CFAP299: variants seen among roughly 807,000 people sequenced by gnomAD.
The protein encoded by CFAP299 is cilia and flagella associated protein 299.
Under a neutral mutation model 27.0 loss-of-function variants are expected in CFAP299, and 21 were observed. That is an observed-to-expected ratio of 0.78 (90% CI 0.55 to 1.12). CFAP299 has a LOEUF of 1.12. Among genes scored for constraint, CFAP299 ranks in the 50% most tolerant of loss-of-function variants. CFAP299 has a pLI of 0.00. For synonymous variants in CFAP299, 104 were observed against 98.1 expected, an observed-to-expected ratio of 1.06 and a Z score of -0.36; for missense variants, 310 against 276.6, an observed-to-expected ratio of 1.12 and a Z score of -0.86.
At chr4:80,651,028 A>G (rs1184642029) in intron 3 of CFAP299, among the ~76,000 whole-genome samples, 1 of 152,128 alleles carries the variant, frequency 6.6e-6, no homozygotes, top group African/African-American at 2.4e-5. Flanking sequence ...AAAATTAAAA[A>G]AATATTTTTT....
chr4:80,326,143 T>G, the CFAP299 span, among the ~76,000 whole-genome samples: 1 of 152,212 alleles, frequency 6.6e-6, no homozygotes, highest in Non-Finnish European at 1.5e-5. Flanking sequence ...TGTCCATATC[T>G]TCCATCTGTA....
chr4:80,385,547 C>A (rs550141339), intron 2 of CFAP299, among the ~76,000 whole-genome samples: 1 of 151,992 alleles, frequency 6.6e-6, no homozygotes, highest in East Asian at 1.9e-4. Flanking sequence ...GTATTGTAAG[C>A]CCCATTGTAC....
intron 3 of CFAP299, among the ~76,000 whole-genome samples, chr4:80,661,137 C>G (rs2109981427): frequency 6.6e-6 from 1 of 151,994 alleles, no homozygotes; most frequent in South Asian, 2.1e-4. Context: ...ACCAGCCTGA[C>G]CAATATGGCA....
chr4:80,387,151 ACTG>A, intron 2 of CFAP299: 1 of 1,381,196 alleles, frequency 7.2e-7, no homozygotes, highest in South Asian at 1.2e-5. Context: ...TGTAGACGGC[ACTG>A]CCCTTCTTGG....
In CFAP299 at chr4:80,708,979, A is replaced by G. The variant is rs529087008; in HGVS notation, c.333+125796A>G. On this transcript the variant is annotated intron_variant, in intron 3 of 5. Transcript: ENST00000358105. ...TAATCTGTAGAATATCATCTTAAAA[A>G]CAGCAAAAGTAACACAAAATAAATA... Among the ~76,000 whole-genome samples, 4 of 152,268 alleles carry G rather than the reference A, an allele frequency of 2.6e-5. No individual in the cohort carries two copies. In the South Asian group the frequency reaches 6.2e-4, roughly 24 times the overall value.
intron 3 of CFAP299, among the ~76,000 whole-genome samples, chr4:80,860,917 G>A (rs1341338115): frequency 6.6e-6 from 1 of 152,140 alleles, no homozygotes; most frequent in Non-Finnish European, 1.5e-5. Context: ...CTGCGTGCTG[G>A]GAGAACCACT....
chr4:80,800,187 T>TC (rs1560418376), intron 3 of CFAP299, among the ~76,000 whole-genome samples: 6,429 of 71,726 alleles, frequency 0.09, 664 homozygotes, highest in African/African-American at 0.19. Flanking sequence ...TAATAATATG[T>TC]AATACTATAT....
chr4:80,689,531 T>A (rs1210306244), intron 3 of CFAP299, among the ~76,000 whole-genome samples: 1 of 151,948 alleles, frequency 6.6e-6, no homozygotes. Context: ...CTACAAGAGC[T>A]CCTGAAGGAA....
Position 80,425,539 on chromosome 4 carries a change from T to A in CFAP299, c.242+62655T>A, listed in dbSNP as rs150066882. On this transcript the variant is annotated intron_variant, in intron 2 of 5. Transcript: ENST00000358105. ...GGACTAATTCAGGCTTCTGTGAGGA[T>A]AATGTTCAGTGTTATTTTCTCATTC... 2.3e-3 allele frequency among the ~76,000 whole-genome samples: 353 copies of A among 152,354 alleles called. 2 individuals carry two copies. Among genetic ancestry groups the A allele is most frequent in the African/African-American group, 7.7e-3 (321 of 41,594 alleles).
chr4:80,420,377 A>G (rs879063680), intron 2 of CFAP299: 5 of 305,264 alleles, frequency 1.6e-5, no homozygotes, highest in South Asian at 1.4e-4. Flanking sequence ...TCATCTCAAA[A>G]TATGTCAAGG....
chr4:80,444,798 C>G lies in CFAP299; in HGVS notation c.242+81914C>G, dbSNP rs575304742. On this transcript the variant is annotated intron_variant, in intron 2 of 5. Transcript: ENST00000358105. ...TACTCATCTGACAAAGGGTTAATAT[C>G]CAGAATCTACAAGGAACTTAAACAA... 1.5e-3 allele frequency among the ~76,000 whole-genome samples: 232 copies of G among 152,182 alleles called. 1 individual carries two copies. The highest frequency in any genetic ancestry group is 5.3e-3 in the African/African-American group (219 of 41,530).
intron 2 of CFAP299, among the ~76,000 whole-genome samples, chr4:80,509,473 A>G (rs1487987986): frequency 6.6e-6 from 1 of 152,186 alleles, no homozygotes; most frequent in Non-Finnish European, 1.5e-5. Context: ...TGAATGTGGC[A>G]TGTAGTCAAG....
At chr4:80,561,293 T>A (rs941545496) in intron 2 of CFAP299, among the ~76,000 whole-genome samples, 1 of 152,136 alleles carries the variant, frequency 6.6e-6, no homozygotes, top group Non-Finnish European at 1.5e-5. Flanking sequence ...ACACCTTAGA[T>A]CACAACACTC....
At chr4:80,682,633 T>G (rs1458909670) in intron 3 of CFAP299, among the ~76,000 whole-genome samples, 2 of 152,108 alleles carry the variant, frequency 1.3e-5, no homozygotes, top group Non-Finnish European at 2.9e-5. Flanking sequence ...AGGGAACAAG[T>G]ACTTAAAAGG....
rs547679899 is a variant in CFAP299, at chr4:80,387,271, G to C, written c.242+24387G>C. On this transcript the variant is annotated intron_variant, in intron 2 of 5. Coordinates refer to ENST00000358105, the MANE Select transcript of CFAP299 (RefSeq NM_152770.3). ...GGCCGGGGTAGCTCAGCTCCTCCTG[G>C]TGGCTCTTGATGTGCTCCAGAAATG... 57 of 1,610,894 alleles carry C rather than the reference G, an allele frequency of 3.5e-5. 1 individual carries two copies. In the Admixed American group the frequency reaches 9.5e-4, roughly 27 times the overall value.
At position 80,653,253 on chromosome 4, in the gene CFAP299, G is replaced by T. The variant is rs897104097; in HGVS notation, c.333+70070G>T. 1.3e-5 allele frequency among the ~76,000 whole-genome samples: 2 copies of T among 152,176 alleles called. 1 individual carries two copies. Among genetic ancestry groups the T allele is most frequent in the South Asian group, 4.2e-4 (2 of 4,814 alleles). ...GCAGATCTACTGTCTGATGGTTCAG[G>T]TAAGGCACACAGGAGATATCCTAAA... On this transcript the variant is annotated intron_variant, in intron 3 of 5. Transcript: ENST00000358105.
At chr4:80,534,902 A>G (rs1733652010) in intron 2 of CFAP299, among the ~76,000 whole-genome samples, 1 of 152,154 alleles carries the variant, frequency 6.6e-6, no homozygotes, top group Non-Finnish European at 1.5e-5. Flanking sequence ...AATTGAAATG[A>G]TTGGGCAATA....
At chr4:80,337,023 T>C (rs1331161541) in intron 1 of CFAP299, among the ~76,000 whole-genome samples, 1 of 152,160 alleles carries the variant, frequency 6.6e-6, no homozygotes, top group Non-Finnish European at 1.5e-5. Flanking sequence ...AAAAAATAAA[T>C]GTAGGTGGTA....
At chr4:80,820,327 A>G (rs1198714331) in intron 3 of CFAP299, among the ~76,000 whole-genome samples, 1 of 152,210 alleles carries the variant, frequency 6.6e-6, no homozygotes, top group African/African-American at 2.4e-5. Flanking sequence ...TACAAGAGAG[A>G]AAATGAAATA....
Sources: allele counts gnomAD v4.1 joint callset (sites outside exome capture counted in the v4.1 genomes callset), GRCh38; gene constraint gnomAD v4.1.1; transcripts MANE v1.5; gene names NCBI Gene and HGNC (gene_info 2026-07-23, HGNC 2026-07-21).